The following DQX1 variants were observed in gnomAD, a reference collection of about 807,000 sequenced individuals.
DQX1 encodes the protein DEAQ-box RNA dependent ATPase 1.
A neutral mutation model predicts 81.3 loss-of-function variants in DQX1; 66 were observed. The ratio of observed to expected loss-of-function variants is 0.81; its 90% CI spans 0.67 to 1.00. The LOEUF is 1.00. Ranked by LOEUF, DQX1 falls within the 50% of genes least tolerant of loss-of-function variation. The pLI, the probability that DQX1 is intolerant of heterozygous loss-of-function variation, is 0.00. For missense variants in DQX1, 798 were observed against 867.9 expected (o/e 0.92, Z 1.01); for synonymous variants, 290 against 350.0 (o/e 0.83, Z 1.91).
chr2:74,521,744 CCT>C (rs1558601705), intron 8 of DQX1, among the ~76,000 whole-genome samples: 1 of 144,374 alleles, frequency 6.9e-6, no homozygotes, highest in Non-Finnish European at 1.5e-5. Context: ...CCTCTCTCCC[CCT>C]CTCCCCCTCT....
At position 74,518,328 on chromosome 2, in the gene DQX1, G is replaced by A; in HGVS notation, c.*118C>T. 4 of 1,249,970 alleles carry A rather than the reference G, an allele frequency of 3.2e-6. No individual in the cohort carries two copies. Among genetic ancestry groups the A allele is most frequent in the Non-Finnish European group, 4.4e-6 (4 of 899,922 alleles). The allele number at this position is 1,249,970 out of a possible 1,614,324, so 77.4% of individuals were successfully genotyped here. Reference sequence around the variant, plus strand: ...ACCATTTCTTGGGACTCAGGTTCCAGGGTTTACATTTGACCCTAAACTTTG... The same window carrying A: ...ACCATTTCTTGGGACTCAGGTTCCAAGGTTTACATTTGACCCTAAACTTTG... On this transcript the variant is annotated 3_prime_UTR_variant, in exon 12 of 12. Coordinates refer to ENST00000404568, the MANE Select transcript of DQX1 (RefSeq NM_133637.3).
chr2:74,525,239 G>C lies in DQX1; in HGVS notation c.238-37C>G. 1 of 1,486,240 alleles carries C rather than the reference G, an allele frequency of 6.7e-7. No individual in the cohort carries two copies. Among genetic ancestry groups the C allele is most frequent in the Non-Finnish European group, 9.0e-7 (1 of 1,112,388 alleles). The allele number at this position is 1,486,240 out of a possible 1,614,324, so 92.1% of individuals were successfully genotyped here. ...GTAGGGAAGGAGAGCCAGTGAGGAAGATGTAGGACTTCAGTCAGAAGTGCT... is the reference window on the plus strand; with the variant it reads ...GTAGGGAAGGAGAGCCAGTGAGGAACATGTAGGACTTCAGTCAGAAGTGCT... On this transcript the variant is annotated intron_variant, in intron 2 of 11. Transcript: ENST00000404568. The surrounding 1 kb of genome is among the most constrained non-coding windows in gnomAD (Gnocchi z 4.1).
At chr2:74,523,722 A>G in intron 4 of DQX1, 185 bp from the exon 5 acceptor site, 1 of 1,004,674 alleles carries the variant, frequency 1.0e-6, no homozygotes, top group Non-Finnish European at 1.4e-6. Context: ...AAGGGAATAA[A>G]AAAGTGAGTG....
At position 74,519,122 on chromosome 2, in the gene DQX1, G is replaced by T; in HGVS notation, c.1915C>A (p.Pro639Thr). ...CYRSRRAPAR[P>T]PPWVLYHNFT... ...TTGTGGTAGAGCACCCATGGTGGGG[G>T]TCTGGCAGGAGCTCTGCGGCTTCGG... is the stretch of plus-strand genomic sequence containing the variant. Residue 639 changes from proline (P) to threonine (T), a missense_variant, in exon 11 of 12, where the codon CCC (proline) becomes ACC (threonine). Transcript: ENST00000404568. 1.2e-6 allele frequency: 2 copies of T among 1,613,164 alleles called. No individual in the cohort carries two copies. The highest frequency in any genetic ancestry group is 8.5e-7 in the Non-Finnish European group (1 of 1,179,598).
chr2:74,519,151 CA>C lies in DQX1; in HGVS notation c.1885del (p.Cys629AlafsTer48). 1 of 1,613,496 alleles carries C rather than the reference CA, an allele frequency of 6.2e-7. No homozygotes were observed. Among genetic ancestry groups the C allele is most frequent in the Non-Finnish European group, 8.5e-7 (1 of 1,179,678 alleles). On this transcript the variant is annotated frameshift_variant, in exon 11 of 12. Transcript: ENST00000404568. LOFTEE classifies it high-confidence loss of function. ...KHVAQLSSYC[C>X]YRSRRAPARP... ...GGCAGGAGCTCTGCGGCTTCGGTAG[CA>C]GCAGTATGAGGAGAGCTGGGCCACA...
Position 74,525,529 on chromosome 2 carries a change from C to G in DQX1, c.201G>C (p.Leu67=). The G allele has an allele frequency of 6.4e-7, 1 of 1,552,280 alleles. No homozygotes were observed. Residue 67 remains leucine (L), a synonymous_variant, in exon 2 of 12, where the codon CTG becomes CTC. Transcript: ENST00000404568. The surrounding 1 kb of genome is among the most constrained non-coding windows in gnomAD (Gnocchi z 4.1). The stretch of plus-strand genomic sequence containing the variant: ...TGCCAGAACCAGGCTCCCCAGACAC[C>G]AGCACCACTCCAGTGGGGTTACTCT... ...QLESNPTGVV[L]VSGEPGSGKS... is the part of the protein sequence containing the mutation.
rs1675131269 is a variant in DQX1, at chr2:74,524,945, G to C, written c.431+64C>G. The C allele has an allele frequency of 9.1e-6, 14 of 1,535,578 alleles. 1 individual carries two copies. The South Asian group carries it at 1.7e-4, about 18-fold the overall frequency. On this transcript the variant is annotated intron_variant, in intron 3 of 11. Transcript: ENST00000404568. ...GGGAGGGTATGGTGAGATGCCAGAGGAATGGGTTTGTTTCTACTGAATAAG... is the reference window on the plus strand; with the variant it reads ...GGGAGGGTATGGTGAGATGCCAGAGCAATGGGTTTGTTTCTACTGAATAAG...
Position 74,524,184 on chromosome 2 carries a change from T to C in DQX1, c.555A>G (p.Leu185=). ...RSVASDSLQG[L]LQDARLEKLP... is the part of the protein sequence containing the mutation. ...GTTTTTCCAGCCTGGCATCTTGCAG[T>C]AGCCCCTGGAGTGAATCTGATGCCA... The change falls in exon 4 of 12, where the codon CTA becomes CTG. Residue 185 remains leucine, a synonymous_variant. Coordinates refer to ENST00000404568, the MANE Select transcript of DQX1 (RefSeq NM_133637.3). The C allele has an allele frequency of 6.2e-7, 1 of 1,614,168 alleles. No homozygotes were observed. The highest frequency in any genetic ancestry group is 8.5e-7 in the Non-Finnish European group (1 of 1,180,030).
Position 74,524,000 on chromosome 2 carries a change from C to A in DQX1, c.739G>T (p.Ala247Ser). The A allele has an allele frequency of 6.2e-7, 1 of 1,614,158 alleles. No homozygotes were observed. Among genetic ancestry groups the A allele is most frequent in the South Asian group, 1.1e-5 (1 of 91,082 alleles). The change falls in exon 4 of 12, where the codon GCT (alanine) becomes TCT (serine). Residue 247 changes from alanine (A) to serine (S), a missense_variant. Transcript: ENST00000404568. The stretch of plus-strand genomic sequence containing the variant: ...AATTCAAGCACTGCTTGGCAGGCAG[C>A]TTCCACCCGATCAGGTGGGATGGTG... ...WDTIPPDRVE[A>S]ACQAVLELCR...
rs1489608248 is a variant in DQX1 at position 74,519,578 on chromosome 2, A to G, written c.1784T>C (p.Leu595Pro). 6.2e-7 allele frequency: 1 copy of G among 1,614,082 alleles called. No individual in the cohort carries two copies. The highest frequency in any genetic ancestry group is 8.5e-7 in the Non-Finnish European group (1 of 1,180,052). ...EQNRRDLQKA[L>P]VSGYFLKVAR... Reference sequence around the variant, plus strand: ...AACCTTGAGAAAGTATCCTGACACCAGTGCTTTCTGAAGGTCTCTGCGATT... The same window carrying G: ...AACCTTGAGAAAGTATCCTGACACCGGTGCTTTCTGAAGGTCTCTGCGATT... Residue 595 changes from leucine (L) to proline (P), a missense_variant, in exon 10 of 12, where the codon CTG becomes CCG. Transcript: ENST00000404568.
rs549268666 is a variant in DQX1 at position 74,523,899 on chromosome 2, T to G, written c.816+24A>C. 18 of 1,527,056 alleles carry G rather than the reference T, an allele frequency of 1.2e-5. No homozygotes were observed. In the East Asian group the frequency reaches 1.9e-4, roughly 16 times the overall value. 94.6% of individuals were successfully genotyped at this position (1,527,056 alleles called of 1,614,324 possible). On this transcript the variant is annotated intron_variant, in intron 4 of 11. Coordinates refer to ENST00000404568, the MANE Select transcript of DQX1 (RefSeq NM_133637.3). ...TGCAGGCTCATTTTGCAGGCTGTTT[T>G]TTTTGTTTTGTTTTGTTTTTTACCT...
Position 74,525,154 on chromosome 2 carries a change from C to T in DQX1, c.286G>A (p.Gly96Arg). ...EFALARGFQK[G>R]QVTVTQPYPL... is the part of the protein sequence containing the mutation. Reference sequence around the variant, plus strand: ...TAGGGCTGAGTAACAGTAACCTGTCCTTTCTGGAACCCTCTGGCCAGCGCA... The same window carrying T: ...TAGGGCTGAGTAACAGTAACCTGTCTTTTCTGGAACCCTCTGGCCAGCGCA... Residue 96 changes from glycine to arginine, a missense_variant, in exon 3 of 12, where the codon GGA (glycine) becomes AGA (arginine). Gly to Arg is a moderately radical substitution (Grantham distance 125). Transcript: ENST00000404568. The surrounding 1 kb of genome is among the most constrained non-coding windows in gnomAD (Gnocchi z 4.1). 6.2e-7 allele frequency: 1 copy of T among 1,611,076 alleles called. No homozygotes were observed. Among genetic ancestry groups the T allele is most frequent in the Non-Finnish European group, 8.5e-7 (1 of 1,178,068 alleles).
rs1301326219 is a variant in DQX1, at chr2:74,518,500, T to G, written c.2100A>C (p.Ala700=). Residue 700 remains alanine, a synonymous_variant, in exon 12 of 12, where the codon GCA becomes GCC. Coordinates refer to ENST00000404568, the MANE Select transcript of DQX1 (RefSeq NM_133637.3). ...QLREGMADST[A]GSKSSSAQEF... Reference sequence around the variant, plus strand: ...CCTGGGCTGAGGATGATTTGCTCCCTGCTGTAGAATCTGCCATTCCTTCCC... The same window carrying G: ...CCTGGGCTGAGGATGATTTGCTCCCGGCTGTAGAATCTGCCATTCCTTCCC... 1 of 1,614,264 alleles carries G rather than the reference T, an allele frequency of 6.2e-7. No homozygotes were observed. The highest frequency in any genetic ancestry group is 8.5e-7 in the Non-Finnish European group (1 of 1,180,046).
chr2:74,525,303 G>A lies in DQX1; in HGVS notation c.238-101C>T, dbSNP rs1675144314. On this transcript the variant is annotated intron_variant, in intron 2 of 11. Coordinates refer to ENST00000404568, the MANE Select transcript of DQX1 (RefSeq NM_133637.3). This position sits in a 1 kb window ranked among gnomAD's most constrained non-coding sequence, Gnocchi z 4.1. ...CCACTTTAATCTTTCCTTATTTGGGGAGTCCCCTGGTCTTTCACCAGCCTC... is the reference window on the plus strand; with the variant it reads ...CCACTTTAATCTTTCCTTATTTGGGAAGTCCCCTGGTCTTTCACCAGCCTC... The A allele has an allele frequency of 5.9e-6, 8 of 1,356,792 alleles. No individual in the cohort carries two copies. The South Asian group carries it at 1.2e-4, about 20-fold the overall frequency. The allele number at this position is 1,356,792 out of a possible 1,614,324, so 84.0% of individuals were successfully genotyped here. A position where few individuals can be genotyped will look rare whatever the true frequency, so the allele number is the denominator to read the frequency against.
chr2:74,525,971 A>G lies in DQX1; in HGVS notation c.-20+165T>C, dbSNP rs1558604003. Among the ~76,000 whole-genome samples the G allele has an allele frequency of 6.6e-6, 1 of 152,184 alleles. No individual in the cohort carries two copies. Among genetic ancestry groups the G allele is most frequent in the African/African-American group, 2.4e-5 (1 of 41,434 alleles). The stretch of plus-strand genomic sequence containing the variant: ...TAGTAGAAATCTACCTGAGACTATT[A>G]CCCCGTTGGCAGGTAGTAGAAATCT... On this transcript the variant is annotated intron_variant, in intron 1 of 11. Coordinates refer to ENST00000404568, the MANE Select transcript of DQX1 (RefSeq NM_133637.3). This position sits in a 1 kb window ranked among gnomAD's most constrained non-coding sequence, Gnocchi z 4.1.
In DQX1 at chr2:74,522,991, T is replaced by G. The variant is rs1199397292; in HGVS notation, c.1168A>C (p.Lys390Gln). ...PPGSCLCLYP[K>Q]SFLELEAPPL... ...GGAGCTTCTAGTTCTAAGAAGGACT[T>G]AGGATACAGGCAGAGGCAGGATCCT... The change falls in exon 7 of 12, where the codon AAG (lysine) becomes CAG (glutamine). Residue 390 changes from lysine to glutamine, a missense_variant. Transcript: ENST00000404568. 3 of 1,613,992 alleles carry G rather than the reference T, an allele frequency of 1.9e-6. No homozygotes were observed. The highest frequency in any genetic ancestry group is 2.5e-6 in the Non-Finnish European group (3 of 1,180,004).
chr2:74,518,648 C>T, intron 11 of DQX1, 46 bp from the exon 12 acceptor site: 1 of 1,582,284 alleles, frequency 6.3e-7, no homozygotes, highest in Non-Finnish European at 8.7e-7. Context: ...TTCTCTCTCT[C>T]TGTCTCTCTC....
At chr2:74,522,552 G>T in intron 8 of DQX1, 28 bp downstream of exon 8, 1 of 1,597,352 alleles carries the variant, frequency 6.3e-7, no homozygotes, top group Non-Finnish European at 8.5e-7. Flanking sequence ...GGTTTCAAGA[G>T]CTATGGATTT....
Position 74,525,882 on chromosome 2 carries a change from G to A in DQX1, c.-19-134C>T, listed in dbSNP as rs543268198. The stretch of plus-strand genomic sequence containing the variant: ...CACCCTTCCCAGCATTTCCTGCCAG[G>A]AAACAGTGCTAGGTATTTTGATAAA... On this transcript the variant is annotated intron_variant, in intron 1 of 11. Coordinates refer to ENST00000404568, the MANE Select transcript of DQX1 (RefSeq NM_133637.3). This position sits in a 1 kb window ranked among gnomAD's most constrained non-coding sequence, Gnocchi z 4.1. 1.1e-5 allele frequency: 7 copies of A among 648,660 alleles called. No individual in the cohort carries two copies. In the South Asian group the frequency reaches 1.2e-4, roughly 11 times the overall value. The allele number at this position is 648,660 out of a possible 1,614,324, so 40.2% of individuals were successfully genotyped here.
Sources: allele counts gnomAD v4.1 joint callset (sites outside exome capture counted in the v4.1 genomes callset), GRCh38; gene constraint gnomAD v4.1.1; non-coding constraint Gnocchi (gnomAD v3.1); transcripts MANE v1.5; gene names NCBI Gene and HGNC (gene_info 2026-07-23, HGNC 2026-07-21).